Variants in SCRN1 observed in about 807,000 individuals in gnomAD.
The protein encoded by SCRN1 is secernin 1.
A neutral mutation model predicts 43.3 loss-of-function variants in SCRN1; 19 were observed. The observed-to-expected ratio is 0.44, with a 90% CI of 0.31 to 0.64. The LOEUF is 0.64. SCRN1 is among the 30% of genes least tolerant of loss of function. The pLI, the probability that SCRN1 is intolerant of heterozygous loss-of-function variation, is 0.09. For synonymous variants in SCRN1, 183 were observed against 188.9 expected, an observed-to-expected ratio of 0.97 and a Z score of 0.26; for missense variants, 447 against 524.1, an observed-to-expected ratio of 0.85 and a Z score of 1.44.
intron 3 of SCRN1, among the ~76,000 whole-genome samples, chr7:29,952,040 A>G (rs1314188651): frequency 6.6e-6 from 1 of 152,232 alleles, no homozygotes; most frequent in Non-Finnish European, 1.5e-5. Flanking sequence ...CACAGAGTGC[A>G]AGCAAGGCCA....
At chr7:29,977,172 GCAAGTACCGATGAC>G (rs1240204350) in intron 1 of SCRN1, among the ~76,000 whole-genome samples, 1 of 152,196 alleles carries the variant, frequency 6.6e-6, no homozygotes. Flanking sequence ...TAAGCGTCTT[GCAAGTACCGATGAC>G]CAACTGCCTT....
chr7:29,949,742 A>G (rs1054900610), intron 3 of SCRN1, among the ~76,000 whole-genome samples: 2 of 152,080 alleles, frequency 1.3e-5, no homozygotes, highest in African/African-American at 4.8e-5. Flanking sequence ...TAGTGCAATC[A>G]TGGTTCACTG....
At chr7:29,984,227 A>G (rs1313953827) in intron 1 of SCRN1, among the ~76,000 whole-genome samples, 1 of 144,614 alleles carries the variant, frequency 6.9e-6, no homozygotes, top group East Asian at 2.1e-4. Context: ...AAAAAAAAAG[A>G]AATCTGTTGA....
At chr7:29,931,159 T>C (rs1036329321) in intron 6 of SCRN1, among the ~76,000 whole-genome samples, 2 of 152,234 alleles carry the variant, frequency 1.3e-5, no homozygotes, top group Non-Finnish European at 2.9e-5. Context: ...GGATGCAGCA[T>C]GCCAATGCAA....
At chr7:29,924,190 G>C in intron 7 of SCRN1, 75 bp from the exon 8 acceptor site, 1 of 1,478,526 alleles carries the variant, frequency 6.8e-7, no homozygotes, top group Non-Finnish European at 9.1e-7. Flanking sequence ...AAACCCTCTA[G>C]GGGGCCAGCT....
At chr7:29,942,305 C>T (rs1357575409) in intron 4 of SCRN1, among the ~76,000 whole-genome samples, 2 of 152,212 alleles carry the variant, frequency 1.3e-5, no homozygotes, top group African/African-American at 4.8e-5. Flanking sequence ...TGCAATCCAT[C>T]ACACCGCTGC....
chr7:29,927,476 C>T lies in SCRN1; in HGVS notation c.906-844G>A, dbSNP rs183037270. 3.3e-5 allele frequency among the ~76,000 whole-genome samples: 5 copies of T among 151,806 alleles called. No individual in the cohort carries two copies. The East Asian group carries it at 5.9e-4, about 18-fold the overall frequency. On this transcript the variant is annotated intron_variant, in intron 6 of 7. Coordinates refer to ENST00000242059, the MANE Select transcript of SCRN1 (RefSeq NM_014766.5). ...GCCAACTGTAACGCCGGGGAGAGAG[C>T]CTTATCCTACCCTCCCCACATCCAG...
At chr7:29,984,225 A>AT (rs1160659935) in intron 1 of SCRN1, among the ~76,000 whole-genome samples, 1 of 137,614 alleles carries the variant, frequency 7.3e-6, no homozygotes, top group African/African-American at 2.7e-5. Context: ...AAAAAAAAAA[A>AT]GAAATCTGTT....
intron 3 of SCRN1, among the ~76,000 whole-genome samples, chr7:29,953,775 T>C (rs1299708112): frequency 6.6e-6 from 1 of 152,056 alleles, no homozygotes; most frequent in African/African-American, 2.4e-5. Context: ...GAGGAGTGAG[T>C]TCCCGAGACC....
chr7:29,948,011 C>G (rs139831619), intron 3 of SCRN1, among the ~76,000 whole-genome samples: 1 of 152,178 alleles, frequency 6.6e-6, no homozygotes, highest in Non-Finnish European at 1.5e-5. Context: ...GTTTCAACCC[C>G]CTAGGCTATG....
chr7:29,979,078 T>C (rs1239108239), intron 1 of SCRN1, among the ~76,000 whole-genome samples: 1 of 152,196 alleles, frequency 6.6e-6, no homozygotes, highest in African/African-American at 2.4e-5. Context: ...ATGTCAAAAA[T>C]TTTCCGCCGG....
chr7:29,946,511 G>T (rs1428550617), intron 3 of SCRN1, among the ~76,000 whole-genome samples: 1 of 152,254 alleles, frequency 6.6e-6, no homozygotes, highest in South Asian at 2.1e-4. Flanking sequence ...ACAGCCAGCT[G>T]TAACAGCCCT....
chr7:29,968,166 T>C (rs1335904174), intron 2 of SCRN1, among the ~76,000 whole-genome samples: 1 of 152,180 alleles, frequency 6.6e-6, no homozygotes, highest in Non-Finnish European at 1.5e-5. Context: ...CTATGACAGA[T>C]GCATAAGGCT....
Position 29,951,337 on chromosome 7 carries a change from G to A in SCRN1, c.341+3842C>T, listed in dbSNP as rs116471980. On this transcript the variant is annotated intron_variant, in intron 3 of 7. Coordinates refer to ENST00000242059, the MANE Select transcript of SCRN1 (RefSeq NM_014766.5). ...GCTCACACACCCCTTTCCTCTCTGC[G>A]CCTGGCTTGTGCTTGGAAGGCATGG... Among the ~76,000 whole-genome samples the A allele has an allele frequency of 5.5e-3, 831 of 152,294 alleles. 10 individuals are homozygous for A. Among genetic ancestry groups the A allele is most frequent in the African/African-American group, 0.019 (783 of 41,560 alleles).
intron 6 of SCRN1, 22 bp downstream of exon 6, chr7:29,936,534 C>A (rs752525803): frequency 3.2e-6 from 5 of 1,538,886 alleles, no homozygotes; most frequent in Non-Finnish European, 4.4e-6. Flanking sequence ...GTTCTGCCTA[C>A]GTGACCAGGC....
At chr7:29,949,553 A>G (rs1190418937) in intron 3 of SCRN1, among the ~76,000 whole-genome samples, 1 of 151,560 alleles carries the variant, frequency 6.6e-6, no homozygotes, top group East Asian at 2.0e-4. Context: ...AATTTTGTAT[A>G]TTTTGTAGAT....
At chr7:29,949,610 C>T (rs1474183305) in intron 3 of SCRN1, among the ~76,000 whole-genome samples, 2 of 151,708 alleles carry the variant, frequency 1.3e-5, no homozygotes, top group Non-Finnish European at 1.5e-5. Context: ...CTCCTGGGCT[C>T]AAGCAATCCT....
intron 1 of SCRN1, among the ~76,000 whole-genome samples, 195 bp downstream of exon 1, chr7:29,989,447 G>A (rs1789286686): frequency 6.6e-6 from 1 of 152,064 alleles, no homozygotes; most frequent in Non-Finnish European, 1.5e-5. Flanking sequence ...TCAGGCCGAG[G>A]CCACCTCTCC....
rs979016517 is a variant in SCRN1 at position 29,985,225 on chromosome 7, G to A, written c.-2+4417C>T. ...TTGAGACGAGCCTGACCAACATGGT[G>A]AAACCCCGTCTCTACTAAAAAATAC... On this transcript the variant is annotated intron_variant, in intron 1 of 7. Transcript: ENST00000242059. 1.9e-4 allele frequency among the ~76,000 whole-genome samples: 27 copies of A among 143,124 alleles called. 4 individuals carry two copies. Among genetic ancestry groups the A allele is most frequent in the African/African-American group, 7.2e-4 (27 of 37,514 alleles). The allele number at this position is 143,124 out of a possible 152,430, so 93.9% of individuals were successfully genotyped here. A position where few individuals can be genotyped will look rare whatever the true frequency, so the allele number is the denominator to read the frequency against.
Sources: allele counts gnomAD v4.1 joint callset (sites outside exome capture counted in the v4.1 genomes callset), GRCh38; gene constraint gnomAD v4.1.1; transcripts MANE v1.5; gene names NCBI Gene and HGNC (gene_info 2026-07-23, HGNC 2026-07-21).